The following MARCHF8 variants were observed in gnomAD, a reference collection of about 807,000 sequenced individuals.
MARCHF8 encodes membrane associated ring-CH-type finger 8, also known as E3 ubiquitin-protein ligase MARCHF8.
MARCHF8 carries 40 observed loss-of-function variants against 51.6 expected under a neutral mutation model. That is an observed-to-expected ratio of 0.77 (90% CI 0.60 to 1.01). The LOEUF (loss-of-function observed/expected upper bound fraction) is 1.01. MARCHF8 is among the 50% of genes least tolerant of loss of function. MARCHF8 has a pLI of 0.00. For synonymous variants in MARCHF8, 263 were observed against 280.3 expected (o/e 0.94, Z 0.62); for missense variants, 685 against 708.6 (o/e 0.97, Z 0.38).
chr10:45,454,760 ATG>A lies in MARCHF8; in HGVS notation c.*3477_*3478del, dbSNP rs1842553789. ...CTTTCTAAGGTAAGAAAAATTTCAA[ATG>A]TGAAGTGCCTTTTAGAAACTACACC... On this transcript the variant is annotated 3_prime_UTR_variant, in exon 8 of 8. Coordinates refer to ENST00000453424, the MANE Select transcript of MARCHF8 (RefSeq NM_001282866.2). 1 of 152,248 alleles carries A rather than the reference ATG, an allele frequency of 6.6e-6. No homozygotes were observed. Among genetic ancestry groups the A allele is most frequent in the South Asian group, 2.1e-4 (1 of 4,836 alleles). 9.4% of individuals were successfully genotyped at this position (152,248 alleles called of 1,614,324 possible).
At chr10:45,587,249 C>T (rs1221650229) in intron 1 of MARCHF8, among the ~76,000 whole-genome samples, 1 of 152,070 alleles carries the variant, frequency 6.6e-6, no homozygotes, top group Non-Finnish European at 1.5e-5. Context: ...GGCTACAAGA[C>T]ACAAAGACAA....
At chr10:45,559,431 G>C (rs572615700) in intron 1 of MARCHF8, among the ~76,000 whole-genome samples, 1 of 152,244 alleles carries the variant, frequency 6.6e-6, no homozygotes, top group East Asian at 1.9e-4. Context: ...GCACAATCTC[G>C]GCTCACTGCA....
intron 2 of MARCHF8, among the ~76,000 whole-genome samples, chr10:45,516,480 G>T (rs919977468): frequency 6.6e-6 from 1 of 152,108 alleles, no homozygotes; most frequent in Non-Finnish European, 1.5e-5. Context: ...AATCAAGTGT[G>T]GGCCAGGCAC....
At chr10:45,561,573 C>T (rs1229628066) in intron 1 of MARCHF8, among the ~76,000 whole-genome samples, 2 of 151,072 alleles carry the variant, frequency 1.3e-5, no homozygotes, top group South Asian at 2.1e-4. Context: ...CACGCCCAGC[C>T]GAAACAGATT....
intron 2 of MARCHF8, among the ~76,000 whole-genome samples, chr10:45,518,652 A>G (rs2043657719): frequency 6.6e-6 from 1 of 152,218 alleles, no homozygotes; most frequent in South Asian, 2.1e-4. Context: ...CCAGAATATT[A>G]GGAGCTTCCT....
At chr10:45,544,236 T>C (rs1392009711) in intron 1 of MARCHF8, among the ~76,000 whole-genome samples, 2 of 152,202 alleles carry the variant, frequency 1.3e-5, no homozygotes, top group African/African-American at 4.8e-5. Flanking sequence ...AATTGTTTGA[T>C]ATAGAAAAAA....
rs2043039067 is a variant in MARCHF8 at position 45,489,239 on chromosome 10, C to G, written c.153+128G>C. 7.0e-6 allele frequency: 5 copies of G among 716,920 alleles called. No homozygotes were observed. In the South Asian group the frequency reaches 7.8e-5, roughly 11 times the overall value. The allele number at this position is 716,920 out of a possible 1,614,324, so 44.4% of individuals were successfully genotyped here. On this transcript the variant is annotated intron_variant, in intron 3 of 7. Coordinates refer to ENST00000453424, the MANE Select transcript of MARCHF8 (RefSeq NM_001282866.2). ...CCACATACCTCTTATGGTCCCAGAACAGATTACAGAAATGTATCAAGAACT... is the reference window on the plus strand; with the variant it reads ...CCACATACCTCTTATGGTCCCAGAAGAGATTACAGAAATGTATCAAGAACT...
intron 2 of MARCHF8, among the ~76,000 whole-genome samples, chr10:45,502,557 A>G (rs2043300456): frequency 6.6e-6 from 1 of 152,196 alleles, no homozygotes. Flanking sequence ...GAAAAAAAGG[A>G]TGCATTACTT....
chr10:45,516,287 TA>T (rs2043616708), intron 2 of MARCHF8, among the ~76,000 whole-genome samples: 1 of 152,198 alleles, frequency 6.6e-6, no homozygotes, highest in Non-Finnish European at 1.5e-5. Context: ...AAGAGATCAC[TA>T]AAACAGTGAT....
chr10:45,567,390 GTAGTAGTTTCA>G (rs367699578), intron 1 of MARCHF8, among the ~76,000 whole-genome samples: 11 of 152,288 alleles, frequency 7.2e-5, no homozygotes, highest in African/African-American at 2.6e-4. Context: ...ATGTTTCCTT[GTAGTAGTTTCA>G]TAGTTTGAGG....
intron 3 of MARCHF8, among the ~76,000 whole-genome samples, chr10:45,471,581 T>C (rs1443476233): frequency 2.0e-5 from 3 of 152,256 alleles, no homozygotes; most frequent in Admixed American, 6.5e-5. Flanking sequence ...TTTTCAAATA[T>C]AGTCGAAATA....
intron 2 of MARCHF8, among the ~76,000 whole-genome samples, chr10:45,523,560 A>G (rs2043744312): frequency 6.6e-6 from 1 of 152,192 alleles, no homozygotes; most frequent in Non-Finnish European, 1.5e-5. Flanking sequence ...AAATAAATAA[A>G]TATATTTGAG....
Position 45,591,468 on chromosome 10 carries a change from A to G in MARCHF8, c.-79+2767T>C, listed in dbSNP as rs555253736. ...GAGTGACAGAGCAAAACTCTGTCTC[A>G]AAAAAAAAAAAGCAGCAGCAGCAGC... On this transcript the variant is annotated intron_variant, in intron 1 of 6. Transcript: ENST00000319836. Among the ~76,000 whole-genome samples, 334 of 137,206 alleles carry G rather than the reference A, an allele frequency of 2.4e-3. 2 individuals are homozygous for G. Among genetic ancestry groups the G allele is most frequent in the Admixed American group, 6.1e-3 (82 of 13,430 alleles). The allele number at this position is 137,206 out of a possible 152,430, so 90.0% of individuals were successfully genotyped here. A position where few individuals can be genotyped will look rare whatever the true frequency, so the allele number is the denominator to read the frequency against.
chr10:45,517,625 T>C (rs2043641408), intron 2 of MARCHF8, among the ~76,000 whole-genome samples: 1 of 152,370 alleles, frequency 6.6e-6, no homozygotes, highest in Admixed American at 6.5e-5. Flanking sequence ...TCAGGCTTCC[T>C]GTACAGCCTA....
intron 2 of MARCHF8, among the ~76,000 whole-genome samples, chr10:45,510,789 C>G (rs967581340): frequency 1.6e-4 from 24 of 152,086 alleles, no homozygotes; most frequent in African/African-American, 5.1e-4. Context: ...TTGTTCTAAG[C>G]CATTCATCTA....
intron 3 of MARCHF8, among the ~76,000 whole-genome samples, chr10:45,484,363 C>A (rs1208174118): frequency 6.6e-6 from 1 of 152,138 alleles, no homozygotes; most frequent in African/African-American, 2.4e-5. Context: ...CGTGGGCCCA[C>A]ATGGTCAAGG....
intron 7 of MARCHF8, among the ~76,000 whole-genome samples, 157 bp from the exon 8 acceptor site, chr10:45,458,700 G>A (rs1842690260): frequency 6.6e-6 from 1 of 152,102 alleles, no homozygotes; most frequent in Non-Finnish European, 1.5e-5. Context: ...GAGTGCAGTG[G>A]CTATTCACAG....
chr10:45,536,775 T>C (rs2133291610), upstream of MARCHF8, among the ~76,000 whole-genome samples: 1 of 150,586 alleles, frequency 6.6e-6, no homozygotes, highest in South Asian at 2.1e-4. Flanking sequence ...GTGGGAGGAC[T>C]GCTTCAGGCC....
intron 1 of MARCHF8, among the ~76,000 whole-genome samples, chr10:45,557,053 T>C (rs1377576300): frequency 6.6e-6 from 1 of 150,856 alleles, no homozygotes; most frequent in Non-Finnish European, 1.5e-5. Context: ...GAAACAGATA[T>C]CCAGAATTTT....
Sources: allele counts gnomAD v4.1 joint callset (sites outside exome capture counted in the v4.1 genomes callset), GRCh38; gene constraint gnomAD v4.1.1; transcripts MANE v1.5; gene names NCBI Gene and HGNC (gene_info 2026-07-23, HGNC 2026-07-21).